Variants in ERC1 observed in about 807,000 individuals in gnomAD.
ERC1 encodes ELKS/RAB6-interacting/CAST family member 1, also known as RAB6 interacting protein 2.
In ERC1, 56 loss-of-function variants were observed where a neutral mutation model predicts 132.0. The ratio of observed to expected loss-of-function variants is 0.42; its 90% CI spans 0.34 to 0.53. The LOEUF (loss-of-function observed/expected upper bound fraction) is 0.53. Among genes scored for constraint, ERC1 ranks in the 20% least tolerant of loss-of-function variants. The pLI is 0.03. For missense variants in ERC1, 1,202 were observed against 1,349.9 expected (o/e 0.89, Z 1.72); for synonymous variants, 478 against 476.1 (o/e 1.00, Z -0.05).
chr12:1,112,266 C>G lies in ERC1; in HGVS notation c.1369C>G (p.Leu457Val). ...TTCGAAAGAGGCTCAATGGGAGGAG[C>G]TGAAAAAGAAAGCGGCTGGTCTTCA... Reference protein sequence around the residue: ...LSSKEAQWEELKKKAAGLQAE... With the variant: ...LSSKEAQWEEVKKKAAGLQAE... Residue 457 changes from leucine to valine, a missense_variant, in exon 6 of 19, where the codon CTG becomes GTG. Physicochemically the swap from Leu to Val is conservative, Grantham distance 32. Coordinates refer to ENST00000360905, the MANE Select transcript of ERC1 (RefSeq NM_178040.4). The G allele has an allele frequency of 6.2e-7, 1 of 1,613,238 alleles. No individual in the cohort carries two copies. Among genetic ancestry groups the G allele is most frequent in the South Asian group, 1.1e-5 (1 of 91,070 alleles).
At chr12:1,220,915 A>G (rs892260623) in intron 12 of ERC1, among the ~76,000 whole-genome samples, 1 of 152,100 alleles carries the variant, frequency 6.6e-6, no homozygotes, top group African/African-American at 2.4e-5. Context: ...CGTGAGGAAC[A>G]CTCAGGCTCA....
At chr12:1,041,912 C>T (rs1970274524) in intron 2 of ERC1, among the ~76,000 whole-genome samples, 1 of 151,966 alleles carries the variant, frequency 6.6e-6, no homozygotes, top group Non-Finnish European at 1.5e-5. Flanking sequence ...TCACACCCAG[C>T]TAATTTTTGT....
chr12:1,195,066 G>A (rs1956091116), intron 12 of ERC1, among the ~76,000 whole-genome samples: 1 of 150,932 alleles, frequency 6.6e-6, no homozygotes, highest in South Asian at 2.1e-4. Context: ...TTGAAGGAGG[G>A]GCTCTATAAG....
rs10570281 is a variant in ERC1 at position 1,007,540 on chromosome 12, CTGTGTGTGTGTG to C, written c.-157+16236_-157+16247del. ...ATTCTCTCTCTCTCTCTCTCTCTCT[CTGTGTGTGTGTG>C]TGTGTGTGTGTGTGTGTACACACTT... On this transcript the variant is annotated intron_variant, in intron 1 of 18. Transcript: ENST00000360905. Among the ~76,000 whole-genome samples, 242 of 122,766 alleles carry C rather than the reference CTGTGTGTGTGTG, an allele frequency of 2.0e-3. 1 individual carries two copies. Among genetic ancestry groups the C allele is most frequent in the East Asian group, 0.012 (55 of 4,692 alleles). The allele number at this position is 122,766 out of a possible 152,430, so 80.5% of individuals were successfully genotyped here.
At chr12:1,300,978 T>G (rs931050248) in intron 15 of ERC1, among the ~76,000 whole-genome samples, 2 of 152,072 alleles carry the variant, frequency 1.3e-5, no homozygotes, top group Non-Finnish European at 2.9e-5. Flanking sequence ...AATTGTTCTA[T>G]CATATATACA....
chr12:1,347,799 A>G (rs747384517), intron 15 of ERC1, among the ~76,000 whole-genome samples: 4 of 152,254 alleles, frequency 2.6e-5, no homozygotes, highest in South Asian at 2.1e-4. Flanking sequence ...CCTGGCCAAC[A>G]TGGTGCAACC....
At chr12:1,405,182 T>TAAATAAATAA (rs1566786466) in intron 16 of ERC1, among the ~76,000 whole-genome samples, 81 of 123,134 alleles carry the variant, frequency 6.6e-4, no homozygotes, top group African/African-American at 2.3e-3. Flanking sequence ...TAAATAAATA[T>TAAATAAATAA]AAATAAAATA....
At chr12:1,070,217 A>G (rs922623667) in intron 2 of ERC1, among the ~76,000 whole-genome samples, 12 of 152,236 alleles carry the variant, frequency 7.9e-5, no homozygotes, top group Admixed American at 7.9e-4. Flanking sequence ...CAATAAGAGT[A>G]TGCTACAAAG....
At position 1,009,395 on chromosome 12, in the gene ERC1, T is replaced by C. The variant is rs78455006; in HGVS notation, c.-157+18073T>C. 4.1e-3 allele frequency among the ~76,000 whole-genome samples: 618 copies of C among 152,136 alleles called. 29 individuals carry two copies. The East Asian group carries it at 0.095, about 23-fold the overall frequency. The stretch of plus-strand genomic sequence containing the variant: ...TTCACCGTGTTAGCCAGGATGGTCT[T>C]GATCTCCTGACCTCGTGATCCGCCC... On this transcript the variant is annotated intron_variant, in intron 1 of 18. Coordinates refer to ENST00000360905, the MANE Select transcript of ERC1 (RefSeq NM_178040.4).
chr12:1,409,337 G>A (rs1023751373), intron 17 of ERC1, among the ~76,000 whole-genome samples: 1 of 152,162 alleles, frequency 6.6e-6, no homozygotes, highest in Non-Finnish European at 1.5e-5. Flanking sequence ...CTGATACCTG[G>A]AACTGAATTT....
At chr12:1,464,737 G>C (rs1003395290) in intron 18 of ERC1, among the ~76,000 whole-genome samples, 2 of 151,574 alleles carry the variant, frequency 1.3e-5, no homozygotes, top group African/African-American at 4.8e-5. Flanking sequence ...AGCCAGGGTG[G>C]TCTCGATCTC....
intron 1 of ERC1, among the ~76,000 whole-genome samples, chr12:1,007,540 C>CTGTGTG (rs10570281): frequency 2.0e-3 from 246 of 122,700 alleles, no homozygotes; most frequent in Admixed American, 3.3e-3. Flanking sequence ...CTCTCTCTCT[C>CTGTGTG]TGTGTGTGTG....
intron 2 of ERC1, among the ~76,000 whole-genome samples, chr12:1,052,815 C>T (rs1972257875): frequency 6.6e-6 from 1 of 152,006 alleles, no homozygotes. Flanking sequence ...ACTAAAAATA[C>T]AAAAATTAGC....
chr12:1,412,209 CCT>C (rs1325440355), intron 17 of ERC1, among the ~76,000 whole-genome samples: 7 of 152,214 alleles, frequency 4.6e-5, no homozygotes, highest in Non-Finnish European at 1.0e-4. Context: ...CTTTCCTTCT[CCT>C]GTTTCCTCAC....
chr12:1,213,681 G>A (rs1015096675), intron 12 of ERC1, among the ~76,000 whole-genome samples: 1 of 149,920 alleles, frequency 6.7e-6, no homozygotes, highest in Admixed American at 6.7e-5. Flanking sequence ...AGGTTGCAGT[G>A]AGCCGAGATC....
rs2094305759 is a variant in ERC1 at position 1,490,270 on chromosome 12, G to A, written c.*40G>A. 1.9e-6 allele frequency: 3 copies of A among 1,595,854 alleles called. No homozygotes were observed. The highest frequency in any genetic ancestry group is 2.2e-5 in the East Asian group (1 of 44,544). ...GAAGCCTGAGGTAGTCAACCCAGGAGCCAAGAAAAGAGAACTACGAGGAAC... is the reference window on the plus strand; with the variant it reads ...GAAGCCTGAGGTAGTCAACCCAGGAACCAAGAAAAGAGAACTACGAGGAAC... On this transcript the variant is annotated 3_prime_UTR_variant, in exon 19 of 19. Coordinates refer to ENST00000360905, the MANE Select transcript of ERC1 (RefSeq NM_178040.4).
intron 8 of ERC1, among the ~76,000 whole-genome samples, chr12:1,154,290 C>CAT (rs1205129249): frequency 2.7e-4 from 36 of 132,440 alleles, no homozygotes; most frequent in African/African-American, 1.1e-3. Context: ...TGTATATATA[C>CAT]ACACACACGT....
At chr12:1,076,306 T>C (rs2154185073) in intron 2 of ERC1, among the ~76,000 whole-genome samples, 1 of 152,272 alleles carries the variant, frequency 6.6e-6, no homozygotes, top group Admixed American at 6.5e-5. Context: ...TAATTAACAT[T>C]TTTATTAGGA....
At chr12:1,335,150 A>T (rs753662091) in intron 15 of ERC1, among the ~76,000 whole-genome samples, 1 of 152,146 alleles carries the variant, frequency 6.6e-6, no homozygotes, top group Non-Finnish European at 1.5e-5. Context: ...GGTTTTCTAG[A>T]TACAGGATTG....
Sources: gnomAD v4.1 joint callset for allele counts (sites outside exome capture counted in the v4.1 genomes callset) on GRCh38, gnomAD v4.1.1 for gene constraint, MANE v1.5 for transcripts, NCBI Gene and HGNC (gene_info 2026-07-23, HGNC 2026-07-21) for gene names.